The following DDX10 variants were observed in gnomAD, a reference collection of about 807,000 sequenced individuals.
The protein encoded by DDX10 is probable ATP-dependent RNA helicase DDX10.
In DDX10, 74 loss-of-function variants were observed where a neutral mutation model predicts 104.3. That is an observed-to-expected ratio of 0.71 (90% CI 0.59 to 0.86). The LOEUF is 0.86. DDX10 is among the 40% of genes least tolerant of loss of function. The pLI, the probability that DDX10 is intolerant of heterozygous loss-of-function variation, is 0.00. For missense variants in DDX10, 952 were observed against 1,040.0 expected, an observed-to-expected ratio of 0.92 and a Z score of 1.16; for synonymous variants, 351 against 353.4, an observed-to-expected ratio of 0.99 and a Z score of 0.08.
intron 13 of DDX10, among the ~76,000 whole-genome samples, chr11:108,761,412 G>A (rs2094350720): frequency 6.6e-6 from 1 of 152,042 alleles, no homozygotes; most frequent in African/African-American, 2.4e-5. Context: ...GTAACTATTT[G>A]TGGTCCTCTT....
intron 17 of DDX10, among the ~76,000 whole-genome samples, chr11:108,927,179 G>T (rs1329152387): frequency 6.6e-6 from 1 of 152,208 alleles, no homozygotes; most frequent in Non-Finnish European, 1.5e-5. Context: ...GCAAGAGATT[G>T]AAAAGCTGCT....
rs914445713 is a variant in DDX10, at chr11:108,857,016, A to G, written c.2304+4807A>G. On this transcript the variant is annotated intron_variant, in intron 16 of 17. Transcript: ENST00000322536. ...TCCTTAAATGTATACATACATAGCT[A>G]CATAGCTAATACTTTTAAAGTACCC... is the stretch of plus-strand genomic sequence containing the variant. Among the ~76,000 whole-genome samples, 33 of 152,246 alleles carry G rather than the reference A, an allele frequency of 2.2e-4. 1 individual carries two copies. Among genetic ancestry groups the G allele is most frequent in the Non-Finnish European group, 2.4e-4 (16 of 68,042 alleles).
In DDX10 at chr11:108,827,387, A is replaced by G. The variant is rs531724361; in HGVS notation, c.1966-11059A>G. ...AGAGTCTGTGTAACAGGCTAATGTA[A>G]TAGCCATTGACTCAAGAAATTACAG... On this transcript the variant is annotated intron_variant, in intron 13 of 17. Coordinates refer to ENST00000322536, the MANE Select transcript of DDX10 (RefSeq NM_004398.4). Among the ~76,000 whole-genome samples the G allele has an allele frequency of 7.2e-5, 11 of 152,318 alleles. No individual in the cohort carries two copies. The South Asian group carries it at 2.3e-3, about 32-fold the overall frequency.
At chr11:108,853,888 A>AAGAAGAGC (rs1198025882) in intron 16 of DDX10, among the ~76,000 whole-genome samples, 1 of 152,234 alleles carries the variant, frequency 6.6e-6, no homozygotes, top group East Asian at 1.9e-4. Flanking sequence ...TAAGAACAGA[A>AAGAAGAGC]AGAAGAGCTG....
intron 13 of DDX10, among the ~76,000 whole-genome samples, chr11:108,737,588 C>T (rs1167352663): frequency 6.6e-6 from 1 of 152,134 alleles, no homozygotes; most frequent in African/African-American, 2.4e-5. Context: ...GTAAATGTCC[C>T]TGGACTATAT....
In DDX10 at chr11:108,678,315, G is replaced by T. The variant is rs753655666; in HGVS notation, c.538G>T (p.Asp180Tyr). 1.2e-6 allele frequency: 2 copies of T among 1,606,716 alleles called. No homozygotes were observed. The highest frequency in any genetic ancestry group is 1.1e-5 in the South Asian group (1 of 89,398). Residue 180 changes from aspartate to tyrosine, a missense_variant and splice_region_variant, in exon 5 of 18, where the codon GAT (aspartate) becomes TAT (tyrosine). Around this residue, in one of 3 missense-constraint regions of DDX10, gnomAD observed 412 missense variants for 479.2 expected, o/e 0.86. Transcript: ENST00000322536. Reference protein sequence around the residue: ...FSAGLIIGGKDLKHEAERINN... With the variant: ...FSAGLIIGGKYLKHEAERINN... ...AATCAAAATAAATAACTGTTTTCAGGATCTAAAACACGAAGCTGAGAGGAT... is the reference window on the plus strand; with the variant it reads ...AATCAAAATAAATAACTGTTTTCAGTATCTAAAACACGAAGCTGAGAGGAT...
intron 16 of DDX10, among the ~76,000 whole-genome samples, chr11:108,903,121 A>G (rs1382758865): frequency 3.3e-5 from 5 of 152,088 alleles, no homozygotes; most frequent in African/African-American, 7.2e-5. Flanking sequence ...GTGGCTTTTA[A>G]TATTCATAAT....
At chr11:108,848,245 A>G (rs969610432) in intron 15 of DDX10, among the ~76,000 whole-genome samples, 2 of 152,300 alleles carry the variant, frequency 1.3e-5, no homozygotes, top group African/African-American at 4.8e-5. Flanking sequence ...AGATATGTAC[A>G]TATACTAGTG....
chr11:108,773,054 TTTCTTC>T (rs2094365333), intron 13 of DDX10, among the ~76,000 whole-genome samples: 1 of 152,236 alleles, frequency 6.6e-6, no homozygotes, highest in Non-Finnish European at 1.5e-5. Flanking sequence ...AGTGAAGAAC[TTTCTTC>T]TTTGAGACTC....
chr11:108,905,992 C>T (rs1326973883), intron 16 of DDX10, among the ~76,000 whole-genome samples: 1 of 152,210 alleles, frequency 6.6e-6, no homozygotes, highest in African/African-American at 2.4e-5. Context: ...CCGATTACCT[C>T]CCACAGGCTC....
intron 16 of DDX10, among the ~76,000 whole-genome samples, chr11:108,878,986 C>T (rs534029793): frequency 4.6e-5 from 7 of 151,740 alleles, no homozygotes; most frequent in South Asian, 4.2e-4. Flanking sequence ...TTTTTTTTAC[C>T]GTGGAAATTT....
intron 17 of DDX10, chr11:108,922,229 G>GCA (rs1423611029): frequency 4.4e-3 from 29 of 6,572 alleles, no homozygotes; most frequent in Admixed American, 0.036. Flanking sequence ...GGGCAACAGA[G>GCA]GGAGACTCCA....
intron 9 of DDX10, among the ~76,000 whole-genome samples, chr11:108,693,936 G>T (rs1171668324): frequency 6.6e-6 from 1 of 152,154 alleles, no homozygotes; most frequent in East Asian, 1.9e-4. Flanking sequence ...TATGTTCCAA[G>T]GTCCCAGTGG....
intron 17 of DDX10, among the ~76,000 whole-genome samples, chr11:108,926,139 AT>A (rs959115859): frequency 3.8e-4 from 57 of 148,494 alleles, no homozygotes; most frequent in East Asian, 9.8e-4. Flanking sequence ...ATGATGTTTA[AT>A]TTTTTTTTTT....
At chr11:108,939,834 A>T (rs1864083614) in intron 17 of DDX10, among the ~76,000 whole-genome samples, 1 of 152,232 alleles carries the variant, frequency 6.6e-6, no homozygotes, top group Non-Finnish European at 1.5e-5. Flanking sequence ...AGATATTAGA[A>T]GCAGTACCTG....
chr11:108,698,797 C>T (rs755382091), intron 9 of DDX10, among the ~76,000 whole-genome samples: 1 of 152,250 alleles, frequency 6.6e-6, no homozygotes, highest in Non-Finnish European at 1.5e-5. Flanking sequence ...CTAAACTATT[C>T]ATCCGTTTCC....
intron 13 of DDX10, among the ~76,000 whole-genome samples, chr11:108,795,206 T>G (rs1861923839): frequency 6.6e-6 from 1 of 152,068 alleles, no homozygotes; most frequent in African/African-American, 2.4e-5. Flanking sequence ...TTGGGAGGTA[T>G]TTCTGCTTCT....
At chr11:108,831,627 T>A (rs949445212) in intron 13 of DDX10, among the ~76,000 whole-genome samples, 1 of 152,248 alleles carries the variant, frequency 6.6e-6, no homozygotes, top group Admixed American at 6.5e-5. Flanking sequence ...AAATCTGATT[T>A]CTTTGGACTG....
At chr11:108,923,892 A>G (rs1863873920) in intron 17 of DDX10, among the ~76,000 whole-genome samples, 1 of 152,244 alleles carries the variant, frequency 6.6e-6, no homozygotes, top group African/African-American at 2.4e-5. Flanking sequence ...ACTTCTAAAA[A>G]GCGTGGCTTC....
Sources: gnomAD v4.1 joint callset for allele counts (sites outside exome capture counted in the v4.1 genomes callset) on GRCh38, gnomAD v4.1.1 for gene constraint, gnomAD v4.1.1 regional missense constraint, MANE v1.5 for transcripts, NCBI Gene and HGNC (gene_info 2026-07-23, HGNC 2026-07-21) for gene names.